Variants in SLC14A2 observed in about 807,000 individuals in gnomAD.
SLC14A2 encodes the protein urea transporter 2.
A neutral mutation model predicts 104.6 loss-of-function variants in SLC14A2; 91 were observed. The ratio of observed to expected loss-of-function variants is 0.87; its 90% CI spans 0.73 to 1.04. SLC14A2 has a LOEUF of 1.04. Ranked by LOEUF, SLC14A2 falls within the 50% of genes least tolerant of loss-of-function variation. SLC14A2 has a pLI of 0.00. For missense variants in SLC14A2, 1,189 were observed against 1,156.0 expected, an observed-to-expected ratio of 1.03 and a Z score of -0.41; for synonymous variants, 476 against 466.4, an observed-to-expected ratio of 1.02 and a Z score of -0.27.
At chr18:45,268,831 T>C (rs1260181907) in intron 1 of SLC14A2, among the ~76,000 whole-genome samples, 5 of 152,000 alleles carry the variant, frequency 3.3e-5, no homozygotes, top group African/African-American at 9.7e-5. Context: ...ATGAGAGTTA[T>C]TGAGAAAGTC....
chr18:45,567,428 A>G (rs2144326377), intron 2 of SLC14A2, among the ~76,000 whole-genome samples: 2 of 152,354 alleles, frequency 1.3e-5, no homozygotes, highest in African/African-American at 4.8e-5. Context: ...CTGGCTGGAC[A>G]GCCCAGATCT....
intron 2 of SLC14A2, among the ~76,000 whole-genome samples, chr18:45,553,149 C>T (rs1251250884): frequency 3.3e-5 from 5 of 152,188 alleles, no homozygotes; most frequent in African/African-American, 1.2e-4. Context: ...AAACACTTCC[C>T]AGCCTAATAA....
chr18:45,351,179 T>TCCC (rs1412594268), intron 1 of SLC14A2, among the ~76,000 whole-genome samples: 1 of 152,194 alleles, frequency 6.6e-6, no homozygotes, highest in East Asian at 1.9e-4. Flanking sequence ...CCTATTTGTA[T>TCCC]TTCATTATTG....
At chr18:45,189,916 C>G in the SLC14A2 span, among the ~76,000 whole-genome samples, 6 of 152,094 alleles carry the variant, frequency 3.9e-5, no homozygotes, top group Non-Finnish European at 7.4e-5. Flanking sequence ...TTAGATGAGG[C>G]CCAGCTCTCA....
intron 1 of SLC14A2, among the ~76,000 whole-genome samples, chr18:45,281,267 C>T (rs1223191413): frequency 3.3e-5 from 5 of 152,124 alleles, no homozygotes; most frequent in Non-Finnish European, 4.4e-5. Flanking sequence ...AACTCAGCAA[C>T]CTTATTTGTA....
chr18:45,621,693 C>T (rs987220172), intron 1 of SLC14A2, among the ~76,000 whole-genome samples: 2 of 152,158 alleles, frequency 1.3e-5, no homozygotes, highest in Non-Finnish European at 2.9e-5. Flanking sequence ...AGGAGGCCAC[C>T]GTCCTCATGA....
chr18:45,292,995 C>T (rs919157455), intron 1 of SLC14A2, among the ~76,000 whole-genome samples: 1 of 151,658 alleles, frequency 6.6e-6, no homozygotes, highest in South Asian at 2.1e-4. Flanking sequence ...CCGCCCCTGC[C>T]CCCCCGCAAA....
At chr18:45,354,404 T>C (rs138068948) in intron 1 of SLC14A2, among the ~76,000 whole-genome samples, 1,900 of 152,310 alleles carry the variant, frequency 0.012, 24 homozygotes, top group Middle Eastern at 0.027. Flanking sequence ...CAGGGGTGGC[T>C]GTGACCCATT....
chr18:45,616,820 G>A (rs1000548550), intron 1 of SLC14A2, among the ~76,000 whole-genome samples: 2 of 152,160 alleles, frequency 1.3e-5, no homozygotes, highest in African/African-American at 4.8e-5. Context: ...CATAAGGACC[G>A]GGTGCAGTGG....
At chr18:45,226,920 C>T (rs759648187) in intron 1 of SLC14A2, among the ~76,000 whole-genome samples, 3 of 152,130 alleles carry the variant, frequency 2.0e-5, no homozygotes, top group Non-Finnish European at 4.4e-5. Flanking sequence ...AGGTGGGCAG[C>T]AGCTGGCACA....
chr18:45,203,674 C>T, the SLC14A2 span, among the ~76,000 whole-genome samples: 1 of 152,188 alleles, frequency 6.6e-6, no homozygotes, highest in Non-Finnish European at 1.5e-5. Flanking sequence ...TGTGATTTCA[C>T]ATATGGCATC....
chr18:45,358,882 T>A (rs1221516925), intron 1 of SLC14A2, among the ~76,000 whole-genome samples: 1 of 152,106 alleles, frequency 6.6e-6, no homozygotes, highest in Non-Finnish European at 1.5e-5. Flanking sequence ...CCAGCCTCTT[T>A]CCCCACAATT....
the SLC14A2 span, among the ~76,000 whole-genome samples, chr18:45,207,469 A>C: frequency 2.0e-5 from 3 of 151,398 alleles, no homozygotes; most frequent in Non-Finnish European, 4.4e-5. Flanking sequence ...GGGGAAGGAA[A>C]GTGAAGAAAA....
intron 1 of SLC14A2, among the ~76,000 whole-genome samples, chr18:45,623,821 G>A (rs1315992333): frequency 6.6e-6 from 1 of 152,130 alleles, no homozygotes; most frequent in Non-Finnish European, 1.5e-5. Context: ...AGAGGAGACC[G>A]CATGCAGGTC....
intron 1 of SLC14A2, among the ~76,000 whole-genome samples, chr18:45,264,941 C>T (rs1196540085): frequency 1.3e-5 from 2 of 152,072 alleles, no homozygotes; most frequent in East Asian, 3.9e-4. Context: ...GGGTTATGTT[C>T]TAGAAATTTC....
In SLC14A2 at chr18:45,643,166, C is replaced by T. The variant is rs182218039; in HGVS notation, c.1161C>T (p.Ser387=). 2.6e-5 allele frequency: 42 copies of T among 1,614,080 alleles called. 1 individual carries two copies. In the East Asian group the frequency reaches 6.9e-4, roughly 27 times the overall value. The change falls in exon 9 of 20, where the codon TCC becomes TCT. Residue 387 remains serine, a synonymous_variant. Coordinates refer to ENST00000255226, the MANE Select transcript of SLC14A2 (RefSeq NM_007163.4). ...GTGCATACATGGAAGCAGCCATCTC[C>T]AACATCATGTCAGTGGTAAGTGTGG... ...LFCAYMEAAI[S]NIMSVVGVPP...
chr18:45,663,803 C>T lies in SLC14A2; in HGVS notation c.1370C>T (p.Pro457Leu), dbSNP rs2045969379. ...TGGCTAGGAGGCGGTGGGGAGCATCCACCCACAGCAGGCCCAAAGGTGGAG... is the reference window on the plus strand; with the variant it reads ...TGGCTAGGAGGCGGTGGGGAGCATCTACCCACAGCAGGCCCAAAGGTGGAG... ...KAPSGGGGEH[P>L]PTAGPKVEEG... The change falls in exon 11 of 20, where the codon CCA (proline) becomes CTA (leucine). Residue 457 changes from proline to leucine, a missense_variant. Transcript: ENST00000255226. 3.7e-6 allele frequency: 6 copies of T among 1,612,632 alleles called. No homozygotes were observed. In the South Asian group the frequency reaches 5.5e-5, roughly 15 times the overall value.
At chr18:45,536,693 C>A (rs2043790448) in intron 2 of SLC14A2, among the ~76,000 whole-genome samples, 1 of 152,116 alleles carries the variant, frequency 6.6e-6, no homozygotes, top group Admixed American at 6.6e-5. Context: ...TTAAACATAT[C>A]TTTTGGGGGG....
chr18:45,665,893 G>A (rs571508080), intron 11 of SLC14A2, among the ~76,000 whole-genome samples: 1 of 152,018 alleles, frequency 6.6e-6, no homozygotes, highest in Non-Finnish European at 1.5e-5. Context: ...TAAATTCCTT[G>A]TAAAATGCCC....
Sources: allele counts gnomAD v4.1 joint callset (sites outside exome capture counted in the v4.1 genomes callset), GRCh38; gene constraint gnomAD v4.1.1; transcripts MANE v1.5; gene names NCBI Gene and HGNC (gene_info 2026-07-23, HGNC 2026-07-21).